Variants in SCFD2 observed in about 807,000 individuals in gnomAD.
The protein encoded by SCFD2 is sec1 family domain containing 2, also known as sec1 family domain-containing protein 2.
A neutral mutation model predicts 58.9 loss-of-function variants in SCFD2; 54 were observed. The observed-to-expected ratio is 0.92, with a 90% CI of 0.74 to 1.15. The LOEUF (loss-of-function observed/expected upper bound fraction) is 1.15, where lower values mean the gene tolerates loss of function less well. SCFD2 is among the 50% of genes most tolerant of loss of function. SCFD2 has a pLI of 0.00. For synonymous variants in SCFD2, 321 were observed against 335.9 expected (o/e 0.96, Z 0.49); for missense variants, 805 against 836.6 (o/e 0.96, Z 0.47).
At chr4:53,217,420 C>G (rs1195624291) in intron 4 of SCFD2, among the ~76,000 whole-genome samples, 1 of 152,108 alleles carries the variant, frequency 6.6e-6, no homozygotes, top group African/African-American at 2.4e-5. Flanking sequence ...CTCTTTTGAT[C>G]TTTGTTGGCT....
chr4:53,077,995 T>C (rs1290486604), intron 5 of SCFD2, among the ~76,000 whole-genome samples: 4 of 152,148 alleles, frequency 2.6e-5, no homozygotes, highest in Non-Finnish European at 5.9e-5. Flanking sequence ...CTCCAGCATA[T>C]TTTGGAGCAC....
chr4:53,256,940 G>T lies in SCFD2; in HGVS notation c.1311+16886C>A, dbSNP rs190846808. 6.6e-3 allele frequency among the ~76,000 whole-genome samples: 974 copies of T among 147,134 alleles called. 12 individuals are homozygous for T. The highest frequency in any genetic ancestry group is 0.039 in the Middle Eastern group (11 of 284). ...AGGGGGAGGGGGAGGGGGAGGGAGAGGGAGAGCTAAACCTTTTTTCTTTAT... is the reference window on the plus strand; with the variant it reads ...AGGGGGAGGGGGAGGGGGAGGGAGATGGAGAGCTAAACCTTTTTTCTTTAT... On this transcript the variant is annotated intron_variant, in intron 4 of 8. Coordinates refer to ENST00000401642, the MANE Select transcript of SCFD2 (RefSeq NM_152540.4).
At chr4:53,296,027 G>A (rs1577941083) in intron 3 of SCFD2, among the ~76,000 whole-genome samples, 1 of 152,282 alleles carries the variant, frequency 6.6e-6, no homozygotes, top group Non-Finnish European at 1.5e-5. Context: ...CATGCTGCTG[G>A]ATTCGGTTTC....
At chr4:53,007,305 G>GA (rs1721990724) in intron 5 of SCFD2, among the ~76,000 whole-genome samples, 1 of 66,080 alleles carries the variant, frequency 1.5e-5, no homozygotes, top group African/African-American at 6.2e-5. Context: ...AGAGGGAGAG[G>GA]GAGAGAGAGA....
intron 4 of SCFD2, among the ~76,000 whole-genome samples, chr4:53,229,067 T>C (rs4259118): frequency 0.97 from 148,319 of 152,158 alleles, 72,412 homozygotes; most frequent in Middle Eastern, 1. Context: ...TTACAAGGGA[T>C]GTGAAGGACC....
chr4:53,124,538 G>C (rs1376471928), intron 5 of SCFD2, among the ~76,000 whole-genome samples: 1 of 152,160 alleles, frequency 6.6e-6, no homozygotes, highest in African/African-American at 2.4e-5. Flanking sequence ...TCGCTGTCAA[G>C]AAGATGATAT....
rs900941511 is a variant in SCFD2 at position 53,213,082 on chromosome 4, CACAA to C, written c.1311+60740_1311+60743del. Among the ~76,000 whole-genome samples, 15 of 152,154 alleles carry C rather than the reference CACAA, an allele frequency of 9.9e-5. No homozygotes were observed. In the South Asian group the frequency reaches 2.1e-3, roughly 21 times the overall value. On this transcript the variant is annotated intron_variant, in intron 4 of 8. Coordinates refer to ENST00000401642, the MANE Select transcript of SCFD2 (RefSeq NM_152540.4). ...AGTGTGTGTAAACGCATCTGGTACA[CACAA>C]ACAATTTCTAGCAATGATAATCACG... is the stretch of plus-strand genomic sequence containing the variant.
chr4:52,947,360 T>C (rs74467252), intron 5 of SCFD2, among the ~76,000 whole-genome samples: 7,837 of 152,266 alleles, frequency 0.051, 209 homozygotes, highest in African/African-American at 0.069. Flanking sequence ...GGCATTAGTA[T>C]TGTAAAAATA....
At chr4:53,286,256 G>A (rs1731665622) in intron 3 of SCFD2, among the ~76,000 whole-genome samples, 2 of 152,106 alleles carry the variant, frequency 1.3e-5, no homozygotes, top group Admixed American at 6.5e-5. Context: ...CCTGGCACCT[G>A]AGCCAATCTG....
chr4:53,002,681 C>A (rs751933797), intron 5 of SCFD2, among the ~76,000 whole-genome samples: 1 of 152,120 alleles, frequency 6.6e-6, no homozygotes, highest in Non-Finnish European at 1.5e-5. Context: ...GATCTATAAG[C>A]AAATATATAA....
Position 53,321,262 on chromosome 4 carries a change from A to G in SCFD2, c.1008-7499T>C, listed in dbSNP as rs139347113. On this transcript the variant is annotated intron_variant, in intron 2 of 8. Transcript: ENST00000401642. ...ATTACTCAACTCTGAATGAAATCTT[A>G]GAAGCTGCCTTGGGTTGGCATGTAT... Among the ~76,000 whole-genome samples, 807 of 152,292 alleles carry G rather than the reference A, an allele frequency of 5.3e-3. 4 individuals carry two copies. The highest frequency in any genetic ancestry group is 8.6e-3 in the Non-Finnish European group (586 of 68,020).
intron 2 of SCFD2, among the ~76,000 whole-genome samples, chr4:53,341,796 C>T (rs1462485987): frequency 6.6e-6 from 1 of 152,124 alleles, no homozygotes; most frequent in East Asian, 1.9e-4. Flanking sequence ...GAGTAGGGGC[C>T]AATATTCAAC....
At chr4:53,137,514 T>C (rs1300383887) in intron 5 of SCFD2, among the ~76,000 whole-genome samples, 5 of 152,234 alleles carry the variant, frequency 3.3e-5, no homozygotes, top group Non-Finnish European at 7.3e-5. Flanking sequence ...CATATAAAGC[T>C]ATAGTAATTG....
chr4:52,877,776 A>C (rs1035301291), intron 8 of SCFD2, among the ~76,000 whole-genome samples: 1 of 152,150 alleles, frequency 6.6e-6, no homozygotes, highest in Non-Finnish European at 1.5e-5. Context: ...AGTGACCCCA[A>C]GTGTGAATCT....
intron 4 of SCFD2, among the ~76,000 whole-genome samples, chr4:53,239,938 C>T (rs1729842680): frequency 6.6e-6 from 1 of 152,174 alleles, no homozygotes; most frequent in Non-Finnish European, 1.5e-5. Context: ...TCCCTCAGTC[C>T]TAGACTACAT....
At chr4:53,240,904 G>C (rs927839634) in intron 4 of SCFD2, among the ~76,000 whole-genome samples, 1 of 152,226 alleles carries the variant, frequency 6.6e-6, no homozygotes, top group East Asian at 1.9e-4. Flanking sequence ...GACACGGCCA[G>C]GAGGAACACC....
intron 4 of SCFD2, among the ~76,000 whole-genome samples, chr4:53,247,646 T>G (rs1730138156): frequency 1.3e-5 from 2 of 148,792 alleles, no homozygotes; most frequent in Non-Finnish European, 3.0e-5. Flanking sequence ...GATCATGAGG[T>G]CAGGAGATCG....
chr4:53,053,718 C>A (rs1464044158), intron 5 of SCFD2, among the ~76,000 whole-genome samples: 3 of 152,194 alleles, frequency 2.0e-5, no homozygotes, highest in Non-Finnish European at 2.9e-5. Flanking sequence ...CAACACCCTC[C>A]TGTTCCTCAG....
chr4:52,921,855 T>A (rs1481261912), intron 5 of SCFD2, among the ~76,000 whole-genome samples: 3 of 152,272 alleles, frequency 2.0e-5, no homozygotes, highest in Middle Eastern at 3.4e-3. Context: ...TGTAGAAGCA[T>A]GTTTGGCTTG....
Sources: gnomAD v4.1 joint callset for allele counts (sites outside exome capture counted in the v4.1 genomes callset) on GRCh38, gnomAD v4.1.1 for gene constraint, MANE v1.5 for transcripts, NCBI Gene and HGNC (gene_info 2026-07-23, HGNC 2026-07-21) for gene names.